Variants in ART3 observed in about 807,000 individuals in gnomAD.
The protein encoded by ART3 is ecto-ADP-ribosyltransferase 3.
ART3 carries 49 observed loss-of-function variants against 48.5 expected under a neutral mutation model. The observed-to-expected ratio is 1.01, with a 90% CI of 0.80 to 1.28. The LOEUF (loss-of-function observed/expected upper bound fraction) is 1.28, where lower values mean the gene tolerates loss of function less well. Among genes scored for constraint, ART3 ranks in the 50% most tolerant of loss-of-function variants. The pLI is 0.00. For missense variants in ART3, 438 were observed against 454.3 expected, an observed-to-expected ratio of 0.96 and a Z score of 0.33; for synonymous variants, 145 against 157.2, an observed-to-expected ratio of 0.92 and a Z score of 0.58.
chr4:76,056,811 A>G (rs6532158), intron 1 of ART3, among the ~76,000 whole-genome samples: 89,105 of 152,056 alleles, frequency 0.59, 26,972 homozygotes, highest in East Asian at 0.94. Flanking sequence ...TCTAAGTATC[A>G]TGAGAAAAAT....
intron 1 of ART3, among the ~76,000 whole-genome samples, chr4:76,031,948 G>C (rs1037408017): frequency 6.6e-5 from 10 of 152,140 alleles, no homozygotes; most frequent in Middle Eastern, 3.2e-3. Context: ...GGTTTCAAAG[G>C]CTTCTTGGAG....
At chr4:76,015,437 G>A (rs1185229292) in intron 1 of ART3, among the ~76,000 whole-genome samples, 4 of 151,664 alleles carry the variant, frequency 2.6e-5, no homozygotes, top group Admixed American at 2.6e-4. Context: ...AAGAAAAGAG[G>A]GGACTCAAAA....
chr4:76,024,829 G>T (rs1733222731), intron 1 of ART3, among the ~76,000 whole-genome samples: 1 of 152,166 alleles, frequency 6.6e-6, no homozygotes, highest in Admixed American at 6.5e-5. Flanking sequence ...TTCCATCCTA[G>T]GATCAGGCTA....
At chr4:76,060,143 A>G (rs1482787406) in intron 1 of ART3, among the ~76,000 whole-genome samples, 1 of 152,128 alleles carries the variant, frequency 6.6e-6, no homozygotes, top group Non-Finnish European at 1.5e-5. Context: ...AGTCTAATTA[A>G]CATGTAAGAT....
At chr4:76,050,722 G>A (rs968148937) in intron 1 of ART3, among the ~76,000 whole-genome samples, 9 of 152,188 alleles carry the variant, frequency 5.9e-5, no homozygotes, top group African/African-American at 9.7e-5. Flanking sequence ...CACTTGTCGC[G>A]GAGGCTCGGG....
intron 1 of ART3, among the ~76,000 whole-genome samples, chr4:76,027,444 A>G (rs1179212752): frequency 6.6e-6 from 1 of 152,170 alleles, no homozygotes; most frequent in African/African-American, 2.4e-5. Context: ...CAGGAGAGGA[A>G]AGCTTGTGCA....
At chr4:76,032,620 T>C (rs1436300025) in intron 1 of ART3, among the ~76,000 whole-genome samples, 1 of 151,424 alleles carries the variant, frequency 6.6e-6, no homozygotes, top group Non-Finnish European at 1.5e-5. Flanking sequence ...GTTTCACTCT[T>C]GTTGCCCAAG....
chr4:76,092,057 TG>T (rs1172988384), intron 3 of ART3, among the ~76,000 whole-genome samples: 1 of 152,204 alleles, frequency 6.6e-6, no homozygotes, highest in Non-Finnish European at 1.5e-5. Context: ...TAGTGTTCAT[TG>T]TATTCTTTTC....
chr4:76,032,151 T>C (rs1314958768), intron 1 of ART3, among the ~76,000 whole-genome samples: 4 of 152,182 alleles, frequency 2.6e-5, no homozygotes, highest in Non-Finnish European at 5.9e-5. Flanking sequence ...AGTAATAATG[T>C]ACTGGCCTAT....
At chr4:76,050,721 C>T (rs949469084) in intron 1 of ART3, among the ~76,000 whole-genome samples, 47 of 152,144 alleles carry the variant, frequency 3.1e-4, no homozygotes, top group Admixed American at 1.1e-3. Flanking sequence ...GCACTTGTCG[C>T]GGAGGCTCGG....
At chr4:76,025,585 C>G (rs960960328) in intron 1 of ART3, among the ~76,000 whole-genome samples, 34 of 152,168 alleles carry the variant, frequency 2.2e-4, no homozygotes, top group Admixed American at 8.5e-4. Flanking sequence ...GACCCAGCCA[C>G]TCTTCTATTT....
chr4:76,049,463 C>G (rs1735824923), intron 1 of ART3, among the ~76,000 whole-genome samples: 2 of 151,842 alleles, frequency 1.3e-5, no homozygotes, highest in African/African-American at 4.8e-5. Context: ...CGACCCTCGG[C>G]TCAGCCCAGA....
chr4:76,098,095 A>G (rs772944889), intron 4 of ART3, among the ~76,000 whole-genome samples: 10 of 152,272 alleles, frequency 6.6e-5, no homozygotes, highest in South Asian at 4.2e-4. Context: ...TGGGAGACCA[A>G]TGAAGGAATG....
At chr4:76,088,206 T>C (rs1009117690) in intron 3 of ART3, among the ~76,000 whole-genome samples, 1 of 151,594 alleles carries the variant, frequency 6.6e-6, no homozygotes, top group Non-Finnish European at 1.5e-5. Context: ...AGAAAATTTA[T>C]ATGCAGAGAA....
At chr4:76,070,761 C>A (rs1473922656), upstream of ART3, among the ~76,000 whole-genome samples, 1 of 152,106 alleles carries the variant, frequency 6.6e-6, no homozygotes, top group Non-Finnish European at 1.5e-5. Flanking sequence ...TCACTTAAAC[C>A]ATCATCTTTT....
At chr4:76,042,397 T>G (rs549289688) in intron 1 of ART3, among the ~76,000 whole-genome samples, 1 of 152,318 alleles carries the variant, frequency 6.6e-6, no homozygotes, top group South Asian at 2.1e-4. Context: ...TAAGTATGAC[T>G]TAAAAGAATC....
At position 76,097,677 on chromosome 4, in the gene ART3, G is replaced by C. The variant is rs2149656041; in HGVS notation, c.814+1G>C. On this transcript the variant is annotated splice_donor_variant, in intron 4 of 11. Transcript: ENST00000355810. LOFTEE classifies it high-confidence loss of function. ...ACCGAAAACTGTATTGAGAACCTAG[G>C]TAAGATAGCTTTAAAGTCTTATCCC... 6.2e-7 allele frequency: 1 copy of C among 1,607,942 alleles called. No homozygotes were observed. Among genetic ancestry groups the C allele is most frequent in the African/African-American group, 1.3e-5 (1 of 74,892 alleles).
In ART3 at chr4:76,100,995, A is replaced by G; in HGVS notation, c.913A>G (p.Lys305Glu). Reference protein sequence around the residue: ...KNWKLEDHGEKNQKLEDHGVK... With the variant: ...KNWKLEDHGEENQKLEDHGVK... ...AGCTTCTTTTTGTAACTCAGGTGAGAAAAACCAGAAGCTTGAAGACCATGG... is the reference window on the plus strand; with the variant it reads ...AGCTTCTTTTTGTAACTCAGGTGAGGAAAACCAGAAGCTTGAAGACCATGG... Residue 305 changes from lysine (K) to glutamate (E), a missense_variant, in exon 8 of 12, where the codon AAA becomes GAA. Lys to Glu is a moderately conservative substitution (Grantham distance 56). Around this residue, in one of 3 missense-constraint regions of ART3, gnomAD observed 227 missense variants for 229.6 expected, o/e 0.99. Coordinates refer to ENST00000355810, the MANE Select transcript of ART3 (RefSeq NM_001130016.3). 6.2e-7 allele frequency: 1 copy of G among 1,613,760 alleles called. No individual in the cohort carries two copies.
At chr4:76,042,619 G>T (rs1313969947) in intron 1 of ART3, among the ~76,000 whole-genome samples, 1 of 152,016 alleles carries the variant, frequency 6.6e-6, no homozygotes, top group Non-Finnish European at 1.5e-5. Flanking sequence ...CTCTTAAGGT[G>T]GCGCGTCTGG....
Sources: allele counts gnomAD v4.1 joint callset (sites outside exome capture counted in the v4.1 genomes callset), GRCh38; gene constraint gnomAD v4.1.1; regional missense constraint gnomAD v4.1.1; transcripts MANE v1.5; gene names NCBI Gene and HGNC (gene_info 2026-07-23, HGNC 2026-07-21).